Variants in MNAT1 observed in about 807,000 individuals in gnomAD.
MNAT1 encodes the protein MNAT1 component of CDK activating kinase.
Under a neutral mutation model 42.0 loss-of-function variants are expected in MNAT1, and 43 were observed. The observed-to-expected ratio is 1.02, with a 90% CI of 0.80 to 1.32. The LOEUF (loss-of-function observed/expected upper bound fraction) is 1.32. Ranked by LOEUF, MNAT1 falls within the 40% of genes most tolerant of loss-of-function variation. The pLI, the probability that MNAT1 is intolerant of heterozygous loss-of-function variation, is 0.00. For missense variants in MNAT1, 306 were observed against 350.4 expected, an observed-to-expected ratio of 0.87 and a Z score of 1.01; for synonymous variants, 118 against 120.0, an observed-to-expected ratio of 0.98 and a Z score of 0.11.
intron 1 of MNAT1, among the ~76,000 whole-genome samples, chr14:60,750,230 TC>T (rs2030016686): frequency 6.6e-6 from 1 of 151,658 alleles, no homozygotes; most frequent in Non-Finnish European, 1.5e-5. Context: ...TTTCTTTCTT[TC>T]TTTTTTTTTT....
At chr14:60,845,738 G>A (rs2033666457) in intron 6 of MNAT1, among the ~76,000 whole-genome samples, 1 of 151,998 alleles carries the variant, frequency 6.6e-6, no homozygotes, top group South Asian at 2.1e-4. Context: ...TTTCTGTATA[G>A]TTATCTTTTT....
chr14:60,881,624 G>A (rs1033425774), intron 7 of MNAT1, among the ~76,000 whole-genome samples: 3 of 151,878 alleles, frequency 2.0e-5, no homozygotes, highest in Non-Finnish European at 4.4e-5. Flanking sequence ...ATATATTTAA[G>A]ATAGAGAAGA....
chr14:60,904,560 A>G (rs1215954326), intron 7 of MNAT1, among the ~76,000 whole-genome samples: 1 of 152,172 alleles, frequency 6.6e-6, no homozygotes, highest in Non-Finnish European at 1.5e-5. Context: ...ATCAACAGTC[A>G]GACACAGGGC....
At chr14:60,945,171 G>A (rs1319678104) in intron 7 of MNAT1, among the ~76,000 whole-genome samples, 1 of 152,010 alleles carries the variant, frequency 6.6e-6, no homozygotes, top group African/African-American at 2.4e-5. Context: ...ATACTTCAGG[G>A]GTTAAGAATA....
chr14:60,960,919 T>C (rs1365990234), intron 7 of MNAT1, among the ~76,000 whole-genome samples: 1 of 152,224 alleles, frequency 6.6e-6, no homozygotes, highest in Non-Finnish European at 1.5e-5. Flanking sequence ...GCAGCCAAAG[T>C]GGACCATTTA....
chr14:60,843,709 A>C (rs1009384629), intron 6 of MNAT1, among the ~76,000 whole-genome samples: 1 of 152,172 alleles, frequency 6.6e-6, no homozygotes. Context: ...TTTGTCAGAC[A>C]TCTGTTTTAT....
chr14:60,884,945 T>C (rs553268527), intron 7 of MNAT1, among the ~76,000 whole-genome samples: 53 of 152,196 alleles, frequency 3.5e-4, no homozygotes, highest in African/African-American at 1.1e-3. Context: ...TTCTCCTTCA[T>C]GTTTGCAGAA....
rs745584884 is a variant in MNAT1, at chr14:60,796,178, C to CTATTCAG, written c.90-39_90-38insTATTCAG. The CTATTCAG allele has an allele frequency of 9.5e-5, 149 of 1,574,734 alleles. No individual in the cohort carries two copies. The South Asian group carries it at 1.5e-3, about 16-fold the overall frequency. The stretch of plus-strand genomic sequence containing the variant: ...TATTCAGATGTGTTGTAGATTTGAA[C>CTATTCAG]ATTGGCTTAAATGTTATGTTTTATT... On this transcript the variant is annotated intron_variant, in intron 1 of 7. Coordinates refer to ENST00000261245, the MANE Select transcript of MNAT1 (RefSeq NM_002431.4).
intron 1 of MNAT1, among the ~76,000 whole-genome samples, chr14:60,783,191 A>G (rs1594750667): frequency 6.6e-6 from 1 of 152,166 alleles, no homozygotes; most frequent in East Asian, 1.9e-4. Flanking sequence ...CCACAGATAA[A>G]TAACACTATG....
chr14:60,952,108 T>G (rs1386013268), intron 7 of MNAT1, among the ~76,000 whole-genome samples: 1 of 152,186 alleles, frequency 6.6e-6, no homozygotes, highest in African/African-American at 2.4e-5. Flanking sequence ...GCAAGCCCAG[T>G]TTCAGCTTCC....
chr14:60,913,480 G>T (rs981075809), intron 7 of MNAT1, among the ~76,000 whole-genome samples: 7 of 152,162 alleles, frequency 4.6e-5, no homozygotes, highest in South Asian at 2.1e-4. Context: ...GGTCTTTGAT[G>T]ATGGTGGCGT....
At chr14:60,760,201 T>C (rs1454053917) in intron 1 of MNAT1, among the ~76,000 whole-genome samples, 1 of 152,194 alleles carries the variant, frequency 6.6e-6, no homozygotes, top group Non-Finnish European at 1.5e-5. Context: ...CCTTTTTTTT[T>C]CAGTTAGTGG....
intron 6 of MNAT1, among the ~76,000 whole-genome samples, chr14:60,862,958 CAG>C (rs750731621): frequency 3.3e-5 from 5 of 151,914 alleles, no homozygotes; most frequent in Non-Finnish European, 7.4e-5. Context: ...GGAGTAAAGG[CAG>C]GGGAGTGTGG....
chr14:60,763,218 T>C (rs960006934), intron 1 of MNAT1, among the ~76,000 whole-genome samples: 1 of 152,162 alleles, frequency 6.6e-6, no homozygotes, highest in Non-Finnish European at 1.5e-5. Context: ...ATCACACTTA[T>C]CTTTATCATT....
At chr14:60,769,525 C>G (rs1245535149) in intron 1 of MNAT1, among the ~76,000 whole-genome samples, 1 of 152,066 alleles carries the variant, frequency 6.6e-6, no homozygotes, top group Non-Finnish European at 1.5e-5. Flanking sequence ...CTCAAGTGAG[C>G]CTTCTGCTTT....
chr14:60,803,227 A>G (rs1016394155), intron 3 of MNAT1, among the ~76,000 whole-genome samples: 3 of 152,012 alleles, frequency 2.0e-5, no homozygotes, highest in African/African-American at 7.2e-5. Flanking sequence ...GAGCCACCGC[A>G]CCCAGCGAAA....
intron 1 of MNAT1, among the ~76,000 whole-genome samples, chr14:60,786,484 A>G (rs997247504): frequency 1.3e-5 from 2 of 152,156 alleles, no homozygotes; most frequent in African/African-American, 2.4e-5. Context: ...TTTAAAAGTT[A>G]TTGATGACCC....
At chr14:60,807,926 A>G (rs1337398912) in intron 3 of MNAT1, among the ~76,000 whole-genome samples, 1 of 152,104 alleles carries the variant, frequency 6.6e-6, no homozygotes, top group Non-Finnish European at 1.5e-5. Context: ...TTATAAAAAT[A>G]TATGATTTTT....
At chr14:60,789,757 G>A (rs1193393112) in intron 1 of MNAT1, among the ~76,000 whole-genome samples, 2 of 152,104 alleles carry the variant, frequency 1.3e-5, no homozygotes, top group African/African-American at 4.8e-5. Flanking sequence ...GTTCATCAGT[G>A]GCAGAAAGAA....
Sources: allele counts gnomAD v4.1 joint callset (sites outside exome capture counted in the v4.1 genomes callset), GRCh38; gene constraint gnomAD v4.1.1; transcripts MANE v1.5; gene names NCBI Gene and HGNC (gene_info 2026-07-23, HGNC 2026-07-21).